Variants in PKD1L1 observed in about 807,000 individuals in gnomAD.
The protein encoded by PKD1L1 is polycystin-1-like protein 1.
Under a neutral mutation model 323.4 loss-of-function variants are expected in PKD1L1, and 236 were observed. The observed-to-expected ratio is 0.73, with a 90% CI of 0.66 to 0.81. The LOEUF (loss-of-function observed/expected upper bound fraction) is 0.81. Ranked by LOEUF, PKD1L1 falls within the 40% of genes least tolerant of loss-of-function variation. PKD1L1 has a pLI of 0.00. For missense variants in PKD1L1, 3,320 were observed against 3,508.0 expected, an observed-to-expected ratio of 0.95 and a Z score of 1.35; for synonymous variants, 1,344 against 1,335.0, an observed-to-expected ratio of 1.01 and a Z score of -0.15.
intron 37 of PKD1L1, 45 bp from the exon 38 acceptor site, chr7:47,835,288 C>A: frequency 7.7e-7 from 1 of 1,292,596 alleles, no homozygotes; most frequent in Non-Finnish European, 1.1e-6. Flanking sequence ...CAATATGAGT[C>A]CCGCTTAAAA....
At position 47,932,691 on chromosome 7, in the gene PKD1L1, C is replaced by T. The variant is rs1247576667; in HGVS notation, c.399-635G>A. On this transcript the variant is annotated intron_variant, in intron 4 of 56. Transcript: ENST00000289672. Reference sequence around the variant, plus strand: ...GCACAGCAGGTTCCTTTCTCGGCGGCGGCTCCAGGCCCCACCTCTGGCAAG... The same window carrying T: ...GCACAGCAGGTTCCTTTCTCGGCGGTGGCTCCAGGCCCCACCTCTGGCAAG... Among the ~76,000 whole-genome samples the T allele has an allele frequency of 3.3e-5, 5 of 152,210 alleles. 1 individual carries two copies. Among genetic ancestry groups the T allele is most frequent in the Non-Finnish European group, 5.9e-5 (4 of 68,036 alleles).
intron 39 of PKD1L1, 64 bp from the exon 40 acceptor site, chr7:47,834,449 T>C (rs1785414260): frequency 1.5e-6 from 2 of 1,365,212 alleles, no homozygotes; most frequent in African/African-American, 1.4e-5. Context: ...AACAGGGATA[T>C]GTTTAAGGAT....
upstream of PKD1L1, among the ~76,000 whole-genome samples, chr7:47,950,158 T>C (rs534132736): frequency 3.2e-4 from 49 of 152,366 alleles, no homozygotes; most frequent in African/African-American, 1.1e-3. Flanking sequence ...TGATTTGCTC[T>C]GACACCTTCC....
intron 52 of PKD1L1, among the ~76,000 whole-genome samples, chr7:47,806,823 G>C (rs530799668): frequency 1.3e-5 from 2 of 152,358 alleles, no homozygotes; most frequent in African/African-American, 4.8e-5. Context: ...CTACATGGAA[G>C]AGCGTGGGCT....
In PKD1L1 at chr7:47,789,707, T is replaced by C. The variant is rs377720612; in HGVS notation, c.8526+2920A>G. On this transcript the variant is annotated intron_variant, in intron 56 of 56. Coordinates refer to ENST00000289672, the MANE Select transcript of PKD1L1 (RefSeq NM_138295.5). ...TTCTGCTAAGCACTAATTAGCAGTATATATTGTCCTTTGTTTTAATCCCAT... is the reference window on the plus strand; with the variant it reads ...TTCTGCTAAGCACTAATTAGCAGTACATATTGTCCTTTGTTTTAATCCCAT... Among the ~76,000 whole-genome samples the C allele has an allele frequency of 3.3e-5, 5 of 152,332 alleles. No homozygotes were observed. In the South Asian group the frequency reaches 1.0e-3, roughly 32 times the overall value.
At position 47,931,986 on chromosome 7, in the gene PKD1L1, G is replaced by C; in HGVS notation, c.469C>G (p.Arg157Gly). 6.2e-7 allele frequency: 1 copy of C among 1,614,012 alleles called. No individual in the cohort carries two copies. Among genetic ancestry groups the C allele is most frequent in the Non-Finnish European group, 8.5e-7 (1 of 1,179,936 alleles). Residue 157 changes from arginine (R) to glycine (G), a missense_variant, in exon 5 of 57, where the codon CGG (arginine) becomes GGG (glycine). Physicochemically the swap from Arg to Gly is moderately radical, Grantham distance 125. Transcript: ENST00000289672. ...SSGGPRFHHR[R>G]LCATGTADST... is the part of the protein sequence containing the mutation. Reference sequence around the variant, plus strand: ...TCTGCGGTCCCAGTAGCACACAGCCGCCTGTGATGGAACCTGGGGCCACCA... The same window carrying C: ...TCTGCGGTCCCAGTAGCACACAGCCCCCTGTGATGGAACCTGGGGCCACCA...
chr7:47,952,052 T>C (rs1252404874), upstream of PKD1L1, among the ~76,000 whole-genome samples: 1 of 152,218 alleles, frequency 6.6e-6, no homozygotes, highest in African/African-American at 2.4e-5. Context: ...AGGCAGCTTG[T>C]GGACCTCTAC....
At position 47,840,658 on chromosome 7, in the gene PKD1L1, C is replaced by T. The variant is rs575093297; in HGVS notation, c.5446-91G>A. 12 of 985,892 alleles carry T rather than the reference C, an allele frequency of 1.2e-5. No homozygotes were observed. Among genetic ancestry groups the T allele is most frequent in the South Asian group, 5.6e-5 (4 of 71,456 alleles). The allele number at this position is 985,892 out of a possible 1,614,324, so 61.1% of individuals were successfully genotyped here. ...AGGGCTTCCTCGCACTTTCTCCCAGCGTCCCACCCTTCCTCAAAACCATCT... is the reference window on the plus strand; with the variant it reads ...AGGGCTTCCTCGCACTTTCTCCCAGTGTCCCACCCTTCCTCAAAACCATCT... On this transcript the variant is annotated intron_variant, in intron 34 of 56. Transcript: ENST00000289672. This position sits in a 1 kb window ranked among gnomAD's most constrained non-coding sequence, Gnocchi z 4.1.
At chr7:47,796,555 C>T (rs1368282016) in intron 54 of PKD1L1, among the ~76,000 whole-genome samples, 1 of 152,186 alleles carries the variant, frequency 6.6e-6, no homozygotes, top group Admixed American at 6.6e-5. Context: ...GGGTCTTGGG[C>T]TCAGCAAGTT....
chr7:47,802,456 C>T (rs1784685080), intron 53 of PKD1L1, among the ~76,000 whole-genome samples: 1 of 152,192 alleles, frequency 6.6e-6, no homozygotes, highest in Non-Finnish European at 1.5e-5. Flanking sequence ...GTTTGCTCAG[C>T]ATGTTCCTCC....
intron 7 of PKD1L1, among the ~76,000 whole-genome samples, chr7:47,919,443 C>T (rs1451649100): frequency 6.6e-6 from 1 of 151,952 alleles, no homozygotes; most frequent in Non-Finnish European, 1.5e-5. Flanking sequence ...TTCCACCAGA[C>T]ATTTAAAGAA....
At chr7:47,877,154 C>T (rs2348658) in intron 22 of PKD1L1, among the ~76,000 whole-genome samples, 55,063 of 151,702 alleles carry the variant, frequency 0.36, 11,370 homozygotes, top group African/African-American at 0.57. Context: ...CCTCTCCTCA[C>T]TTTGGGTCAC....
chr7:47,856,840 C>T (rs1313117650), intron 28 of PKD1L1, among the ~76,000 whole-genome samples: 1 of 152,160 alleles, frequency 6.6e-6, no homozygotes, highest in Non-Finnish European at 1.5e-5. Context: ...CCTAATTTGT[C>T]CATACATCCA....
chr7:47,844,882 A>G, intron 33 of PKD1L1, 113 bp downstream of exon 33: 1 of 726,280 alleles, frequency 1.4e-6, no homozygotes, highest in Non-Finnish European at 2.2e-6. Context: ...CAAAAATGCA[A>G]TGATAGTAAG....
chr7:47,819,058 T>C (rs1185496459), intron 46 of PKD1L1, among the ~76,000 whole-genome samples: 2 of 152,188 alleles, frequency 1.3e-5, no homozygotes, highest in Non-Finnish European at 2.9e-5. Flanking sequence ...TTAGCTTCTC[T>C]ATCTGGAATG....
chr7:47,913,604 C>G (rs528783983), intron 8 of PKD1L1, among the ~76,000 whole-genome samples: 10 of 152,202 alleles, frequency 6.6e-5, no homozygotes, highest in South Asian at 4.2e-4. Flanking sequence ...CACCTCCCCC[C>G]CTCTTGCTCC....
chr7:47,797,711 C>T (rs933316980), intron 54 of PKD1L1, among the ~76,000 whole-genome samples: 33 of 152,276 alleles, frequency 2.2e-4, no homozygotes, highest in Middle Eastern at 6.8e-3. Flanking sequence ...CCCTGCATGC[C>T]CCCTGTCTAA....
rs1215685240 is a variant in PKD1L1, at chr7:47,943,176, A to G, written c.160+220T>C. Among the ~76,000 whole-genome samples the G allele has an allele frequency of 1.5e-4, 13 of 88,780 alleles. 1 individual carries two copies. The highest frequency in any genetic ancestry group is 9.2e-4 in the African/African-American group (13 of 14,072). 58.2% of individuals were successfully genotyped at this position (88,780 alleles called of 152,430 possible). ...AAAAAAAAAAAAAATATATATATATATATATATATATATATATATATGTGT... is the reference window on the plus strand; with the variant it reads ...AAAAAAAAAAAAAATATATATATATGTATATATATATATATATATATGTGT... On this transcript the variant is annotated intron_variant, in intron 2 of 56. Transcript: ENST00000289672.
At position 47,839,375 on chromosome 7, in the gene PKD1L1, A is replaced by G. The variant is rs1040164621; in HGVS notation, c.5769+71T>C. On this transcript the variant is annotated intron_variant, in intron 36 of 56. Coordinates refer to ENST00000289672, the MANE Select transcript of PKD1L1 (RefSeq NM_138295.5). This position sits in a 1 kb window ranked among gnomAD's most constrained non-coding sequence, Gnocchi z 4.3. ...TTCAAAGACACAACTGTGGCAAGCG[A>G]AGCAGAGACAGGTGCCATGCTCTGC... The G allele has an allele frequency of 3.1e-6, 4 of 1,291,342 alleles. 1 individual carries two copies. In the African/African-American group the frequency reaches 4.4e-5, roughly 14 times the overall value. The allele number at this position is 1,291,342 out of a possible 1,614,324, so 80.0% of individuals were successfully genotyped here.
Sources: gnomAD v4.1 joint callset for allele counts (sites outside exome capture counted in the v4.1 genomes callset) on GRCh38, gnomAD v4.1.1 for gene constraint, Gnocchi (gnomAD v3.1) non-coding constraint, MANE v1.5 for transcripts, NCBI Gene and HGNC (gene_info 2026-07-23, HGNC 2026-07-21) for gene names.